Variants in RMDN2 observed in about 807,000 individuals in gnomAD.
RMDN2 encodes the protein regulator of microtubule dynamics 2.
RMDN2 carries 61 observed loss-of-function variants against 52.8 expected under a neutral mutation model. That is an observed-to-expected ratio of 1.16 (90% CI 0.94 to 1.43). RMDN2 has a LOEUF of 1.43. Among genes scored for constraint, RMDN2 ranks in the 40% most tolerant of loss-of-function variants. The pLI is 0.00. For synonymous variants in RMDN2, 180 were observed against 153.1 expected (o/e 1.18, Z -1.30); for missense variants, 592 against 475.3 (o/e 1.25, Z -2.28).
At chr2:37,930,108 T>A (rs115927425) in intron 2 of RMDN2, among the ~76,000 whole-genome samples, 4,229 of 152,330 alleles carry the variant, frequency 0.028, 182 homozygotes, top group African/African-American at 0.096. Flanking sequence ...TCCAAGTCTG[T>A]GCTGCCCAAT....
chr2:37,925,140 C>A (rs962799051), upstream of RMDN2, among the ~76,000 whole-genome samples: 1 of 152,096 alleles, frequency 6.6e-6, no homozygotes, highest in East Asian at 1.9e-4. Flanking sequence ...CGGTCCGGCG[C>A]GAGCCAGGCG....
At chr2:38,051,247 T>C (rs887191256) in intron 10 of RMDN2, among the ~76,000 whole-genome samples, 2 of 114,504 alleles carry the variant, frequency 1.7e-5, no homozygotes, top group African/African-American at 7.0e-5. Flanking sequence ...AAAAACAAAA[T>C]TGTAAAAGGA....
chr2:38,051,513 A>G (rs549571330), intron 10 of RMDN2, among the ~76,000 whole-genome samples: 1 of 152,308 alleles, frequency 6.6e-6, no homozygotes, highest in Non-Finnish European at 1.5e-5. Context: ...ATCACCTTTA[A>G]CATTTGTCAT....
rs148327508 is a variant in RMDN2, at chr2:37,995,140, A to G, written c.946-2276A>G. Among the ~76,000 whole-genome samples, 1,263 of 152,300 alleles carry G rather than the reference A, an allele frequency of 8.3e-3. 9 individuals are homozygous for G. The highest frequency in any genetic ancestry group is 0.029 in the African/African-American group (1,198 of 41,554). ...TGTAATGGAGGAAATTTTATTTTAT[A>G]TAGATTATACCTCAGTAAAGCCAAT... On this transcript the variant is annotated intron_variant, in intron 7 of 10. Coordinates refer to ENST00000354545, the MANE Select transcript of RMDN2 (RefSeq NM_001170791.3).
downstream of RMDN2, among the ~76,000 whole-genome samples, chr2:38,021,255 C>T (rs939910226): frequency 2.6e-5 from 4 of 152,120 alleles, no homozygotes; most frequent in African/African-American, 4.8e-5. Flanking sequence ...CCTGTCAAAA[C>T]GGACCAATCA....
intron 10 of RMDN2, among the ~76,000 whole-genome samples, chr2:38,061,044 G>T (rs1403215505): frequency 2.6e-5 from 4 of 152,140 alleles, no homozygotes; most frequent in African/African-American, 9.7e-5. Context: ...TAAAATTAAA[G>T]AATCATCAGG....
At chr2:38,008,358 A>C (rs573296881) in intron 10 of RMDN2, among the ~76,000 whole-genome samples, 4 of 152,196 alleles carry the variant, frequency 2.6e-5, no homozygotes, top group African/African-American at 9.6e-5. Flanking sequence ...TTTGTAAGTC[A>C]CTAAGGACTT....
chr2:37,951,293 C>T lies in RMDN2; in HGVS notation c.452+21564C>T, dbSNP rs181813340. The T allele has an allele frequency of 1.2e-4, 194 of 1,611,716 alleles. 1 individual carries two copies. The East Asian group carries it at 2.3e-3, about 19-fold the overall frequency. On this transcript the variant is annotated intron_variant, in intron 2 of 10. Coordinates refer to ENST00000354545, the MANE Select transcript of RMDN2 (RefSeq NM_001170791.3). ...CTCCAGAAGATCAAGTTAGTACAGA[C>T]GCCCAGCATCGTGGAGCCTCTTCTA...
At chr2:38,011,634 G>A (rs1015276248) in intron 10 of RMDN2, among the ~76,000 whole-genome samples, 9 of 152,270 alleles carry the variant, frequency 5.9e-5, no homozygotes, top group Middle Eastern at 3.4e-3. Flanking sequence ...ACTATAGCTC[G>A]AAGCAGAAAG....
At chr2:37,952,092 T>G (rs1305574015) in intron 2 of RMDN2, 4 of 1,613,328 alleles carry the variant, frequency 2.5e-6, no homozygotes, top group Non-Finnish European at 3.4e-6. Flanking sequence ...TTCTGGTTGC[T>G]TTATCCCACC....
intron 2 of RMDN2, among the ~76,000 whole-genome samples, chr2:37,954,860 T>C (rs1439098950): frequency 6.6e-6 from 1 of 152,140 alleles, no homozygotes; most frequent in East Asian, 1.9e-4. Context: ...ATTTGTATCT[T>C]ATTTAAATTC....
intron 1 of RMDN2, among the ~76,000 whole-genome samples, chr2:37,926,336 C>A (rs975989142): frequency 2.6e-5 from 4 of 152,176 alleles, no homozygotes; most frequent in Admixed American, 2.0e-4. Flanking sequence ...AATGTTTCTT[C>A]AGACATTTCT....
chr2:37,991,823 A>G (rs1674838103), intron 7 of RMDN2, among the ~76,000 whole-genome samples: 1 of 152,350 alleles, frequency 6.6e-6, no homozygotes, highest in East Asian at 1.9e-4. Flanking sequence ...TGGAAGGGAT[A>G]CGCGACATAT....
intron 2 of RMDN2, among the ~76,000 whole-genome samples, chr2:37,954,881 G>A (rs1669258360): frequency 6.6e-6 from 1 of 152,010 alleles, no homozygotes; most frequent in Admixed American, 6.6e-5. Flanking sequence ...TTTCAACAAT[G>A]TTTTGTAGTT....
chr2:38,031,510 A>G (rs527657067), intron 10 of RMDN2, among the ~76,000 whole-genome samples: 76 of 152,120 alleles, frequency 5.0e-4, no homozygotes, highest in African/African-American at 1.8e-3. Flanking sequence ...ACAGAACTGT[A>G]ATTTACATTT....
At chr2:38,006,118 G>C (rs1209702479) in intron 10 of RMDN2, among the ~76,000 whole-genome samples, 1 of 152,210 alleles carries the variant, frequency 6.6e-6, no homozygotes, top group African/African-American at 2.4e-5. Context: ...TTGTAGTATA[G>C]TTTGAAGTCT....
At chr2:38,031,956 C>T (rs1323913452) in intron 10 of RMDN2, among the ~76,000 whole-genome samples, 2 of 152,208 alleles carry the variant, frequency 1.3e-5, no homozygotes, top group East Asian at 3.9e-4. Flanking sequence ...AGATTGTGCA[C>T]AACAATGCCG....
At chr2:37,975,628 G>C (rs149122446) in intron 4 of RMDN2, among the ~76,000 whole-genome samples, 76 of 151,924 alleles carry the variant, frequency 5.0e-4, no homozygotes, top group African/African-American at 1.7e-3. Context: ...GATGGGTGCA[G>C]AAAACCACCG....
At chr2:37,993,774 G>C (rs1191112748) in intron 7 of RMDN2, among the ~76,000 whole-genome samples, 1 of 141,432 alleles carries the variant, frequency 7.1e-6, no homozygotes. Flanking sequence ...GGGGGTGGGG[G>C]GGAGATGAAC....
Sources: allele counts gnomAD v4.1 joint callset (sites outside exome capture counted in the v4.1 genomes callset), GRCh38; gene constraint gnomAD v4.1.1; transcripts MANE v1.5; gene names NCBI Gene and HGNC (gene_info 2026-07-23, HGNC 2026-07-21).